Variants in ERGIC1 observed in about 807,000 individuals in gnomAD.
The protein encoded by ERGIC1 is endoplasmic reticulum-Golgi intermediate compartment protein 1.
A neutral mutation model predicts 38.3 loss-of-function variants in ERGIC1; 19 were observed. The observed-to-expected ratio is 0.50, with a 90% CI of 0.35 to 0.73. ERGIC1 has a LOEUF of 0.73. ERGIC1 is among the 30% of genes least tolerant of loss of function. The probability of loss-of-function intolerance (pLI) is 0.01; values close to 1 mark genes in which losing one functional copy is unlikely to be tolerated. For synonymous variants in ERGIC1, 124 were observed against 157.6 expected (o/e 0.79, Z 1.60); for missense variants, 294 against 389.2 (o/e 0.76, Z 2.06).
intron 1 of ERGIC1, among the ~76,000 whole-genome samples, chr5:172,886,233 T>TG (rs1762414449): frequency 2.0e-5 from 3 of 152,146 alleles, no homozygotes; most frequent in Admixed American, 2.0e-4. Context: ...CACATCGGGC[T>TG]GTACCCTGTG....
chr5:172,906,169 G>A (rs1459276138), intron 3 of ERGIC1: 1 of 456,206 alleles, frequency 2.2e-6, no homozygotes, highest in East Asian at 6.9e-5. Flanking sequence ...CTACAAGCAA[G>A]GTCAAGCGCA....
At chr5:172,868,901 ACAGGTT>A (rs957998399) in intron 1 of ERGIC1, among the ~76,000 whole-genome samples, 12 of 152,184 alleles carry the variant, frequency 7.9e-5, no homozygotes, top group Admixed American at 4.6e-4. Context: ...AAAAAGAAAA[ACAGGTT>A]CACGATGCAC....
rs374059037 is a variant in ERGIC1, at chr5:172,845,876, G to C, written c.20+11443G>C. On this transcript the variant is annotated intron_variant, in intron 1 of 9. Transcript: ENST00000393784. ...ATGGCACCCCAGGATCCCATCGAAGGTCCCACATTTGCATTCAGAACCTGT... is the reference window on the plus strand; with the variant it reads ...ATGGCACCCCAGGATCCCATCGAAGCTCCCACATTTGCATTCAGAACCTGT... Among the ~76,000 whole-genome samples, 9 of 151,700 alleles carry C rather than the reference G, an allele frequency of 5.9e-5. No homozygotes were observed. In the East Asian group the frequency reaches 1.4e-3, roughly 23 times the overall value.
intron 9 of ERGIC1, among the ~76,000 whole-genome samples, chr5:172,941,928 C>T (rs1050432252): frequency 3.9e-5 from 6 of 152,124 alleles, no homozygotes; most frequent in African/African-American, 7.2e-5. Context: ...TTGACAAGGC[C>T]GGGCGCAGTG....
chr5:172,839,600 CACACAT>C lies in ERGIC1; in HGVS notation c.20+5181_20+5186del, dbSNP rs568628576. Among the ~76,000 whole-genome samples, 936 of 151,756 alleles carry C rather than the reference CACACAT, an allele frequency of 6.2e-3. 8 individuals are homozygous for C. The highest frequency in any genetic ancestry group is 0.021 in the African/African-American group (871 of 41,126). On this transcript the variant is annotated intron_variant, in intron 1 of 9. Transcript: ENST00000393784. Reference sequence around the variant, plus strand: ...ACACATACACACACACACACATACACACACATACACATACACATATAGCCTTAAAAA... The same window carrying C: ...ACACATACACACACACACACATACACACACATACACATATAGCCTTAAAAA...
chr5:172,875,381 A>G (rs1447387515), intron 1 of ERGIC1, among the ~76,000 whole-genome samples: 2 of 152,134 alleles, frequency 1.3e-5, no homozygotes, highest in East Asian at 1.9e-4. Context: ...TGCACCCAGG[A>G]CAGGAAGATG....
intron 5 of ERGIC1, chr5:172,915,821 C>T (rs1269902175): frequency 2.8e-6 from 1 of 359,370 alleles, no homozygotes; most frequent in East Asian, 8.0e-5. Flanking sequence ...CTCCTTGTCC[C>T]TCCTGCAGCC....
At chr5:172,903,576 A>T (rs1314937191) in intron 3 of ERGIC1, among the ~76,000 whole-genome samples, 1 of 152,140 alleles carries the variant, frequency 6.6e-6, no homozygotes, top group Non-Finnish European at 1.5e-5. Context: ...GTGAAGGGAG[A>T]ATAGTACCCT....
At chr5:172,888,897 G>A (rs2113264004) in intron 2 of ERGIC1, 137 bp downstream of exon 2, 3 of 829,466 alleles carry the variant, frequency 3.6e-6, no homozygotes, top group South Asian at 1.4e-5. Context: ...CATCTTGCGG[G>A]GGCCCTTCAA....
At chr5:172,914,098 A>C (rs905494082) in intron 4 of ERGIC1, among the ~76,000 whole-genome samples, 8 of 151,846 alleles carry the variant, frequency 5.3e-5, no homozygotes, top group African/African-American at 1.9e-4. Flanking sequence ...ATTTTTTTGT[A>C]TAGGCGGGCA....
intron 1 of ERGIC1, among the ~76,000 whole-genome samples, chr5:172,869,955 C>A (rs529760510): frequency 3.2e-4 from 48 of 152,330 alleles, no homozygotes; most frequent in African/African-American, 1.1e-3. Flanking sequence ...CTCAGCCTTA[C>A]CAGCCTGGCA....
At chr5:172,914,860 C>G (rs774442899) in intron 5 of ERGIC1, 22 bp downstream of exon 5, 2 of 1,613,866 alleles carry the variant, frequency 1.2e-6, no homozygotes, top group East Asian at 4.5e-5. Flanking sequence ...CTGCCTCAGC[C>G]CTTTCTACCT....
chr5:172,899,831 A>G (rs1394309572), intron 3 of ERGIC1, among the ~76,000 whole-genome samples: 2 of 152,264 alleles, frequency 1.3e-5, no homozygotes, highest in Non-Finnish European at 2.9e-5. Flanking sequence ...CTGCAGGTAC[A>G]TGATATTTTA....
chr5:172,856,974 C>T (rs1241373340), intron 1 of ERGIC1, among the ~76,000 whole-genome samples: 1 of 152,172 alleles, frequency 6.6e-6, no homozygotes, highest in East Asian at 1.9e-4. Flanking sequence ...CTGGGGTAGC[C>T]AAGGGTTGGG....
At chr5:172,915,581 C>G (rs1763342040) in intron 5 of ERGIC1, 1 of 471,184 alleles carries the variant, frequency 2.1e-6, no homozygotes, top group Non-Finnish European at 4.4e-6. Flanking sequence ...GGCCGAGGCA[C>G]CCGGTGGCAG....
rs1032741983 is a variant in ERGIC1, at chr5:172,846,241, G to A, written c.20+11808G>A. On this transcript the variant is annotated intron_variant, in intron 1 of 9. Coordinates refer to ENST00000393784, the MANE Select transcript of ERGIC1 (RefSeq NM_001031711.3). The surrounding 1 kb of genome is among the most constrained non-coding windows in gnomAD (Gnocchi z 4.0). ...ATCATTCCTGTAAAGTGACCCTCCT[G>A]GAGGGAAGTGGACTGACTCCCAGCA... 6.6e-6 allele frequency among the ~76,000 whole-genome samples: 1 copy of A among 152,162 alleles called. No homozygotes were observed. Among genetic ancestry groups the A allele is most frequent in the Non-Finnish European group, 1.5e-5 (1 of 68,026 alleles).
intron 2 of ERGIC1, 84 bp from the exon 3 acceptor site, chr5:172,896,918 C>A (rs1265216290): frequency 4.7e-6 from 5 of 1,067,008 alleles, no homozygotes; most frequent in South Asian, 2.6e-5. Flanking sequence ...TGTCCTGGGG[C>A]CTCTTTCCTC....
chr5:172,914,551 C>G, intron 4 of ERGIC1, 163 bp from the exon 5 acceptor site: 1 of 1,162,960 alleles, frequency 8.6e-7, no homozygotes, highest in Non-Finnish European at 1.2e-6. Context: ...GAGTCATTGT[C>G]CTGTCCCCTG....
chr5:172,934,199 A>C (rs1763839055), intron 8 of ERGIC1: 1 of 152,374 alleles, frequency 6.6e-6, no homozygotes, highest in South Asian at 2.1e-4. Context: ...TTACCCCCGG[A>C]GTGGCCTGGG....
Sources: gnomAD v4.1 joint callset for allele counts (sites outside exome capture counted in the v4.1 genomes callset) on GRCh38, gnomAD v4.1.1 for gene constraint, Gnocchi (gnomAD v3.1) non-coding constraint, MANE v1.5 for transcripts, NCBI Gene and HGNC (gene_info 2026-07-23, HGNC 2026-07-21) for gene names.